Variants in CRADD observed in about 807,000 individuals in gnomAD.
The protein encoded by CRADD is death domain-containing protein CRADD.
Under a neutral mutation model 15.5 loss-of-function variants are expected in CRADD, and 9 were observed. The observed-to-expected ratio is 0.58, with a 90% CI of 0.35 to 1.01. CRADD has a LOEUF of 1.01. Among genes scored for constraint, CRADD ranks in the 50% least tolerant of loss-of-function variants. CRADD has a pLI of 0.02. For missense variants in CRADD, 227 were observed against 250.3 expected (o/e 0.91, Z 0.63); for synonymous variants, 118 against 107.6 (o/e 1.10, Z -0.60).
intron 2 of CRADD, among the ~76,000 whole-genome samples, chr12:93,817,834 T>C (rs879612683): frequency 1.3e-5 from 2 of 152,202 alleles, no homozygotes; most frequent in Non-Finnish European, 2.9e-5. Context: ...GGGATCCTGT[T>C]GGCCTGCCTT....
At chr12:93,680,763 T>C (rs985506388) in intron 2 of CRADD, among the ~76,000 whole-genome samples, 3 of 152,234 alleles carry the variant, frequency 2.0e-5, no homozygotes, top group African/African-American at 4.8e-5. Flanking sequence ...TGGCATCATA[T>C]AGTTGGAAAC....
intron 2 of CRADD, among the ~76,000 whole-genome samples, chr12:93,876,338 T>G (rs1024708443): frequency 6.6e-6 from 1 of 152,212 alleles, no homozygotes; most frequent in Non-Finnish European, 1.5e-5. Context: ...ATAACCTTCT[T>G]GTACTTGAAT....
chr12:93,742,600 A>G (rs1956691045), intron 2 of CRADD, among the ~76,000 whole-genome samples: 1 of 152,200 alleles, frequency 6.6e-6, no homozygotes, highest in Admixed American at 6.5e-5. Context: ...CAGCAAAACC[A>G]GGGAAACTCA....
intron 2 of CRADD, among the ~76,000 whole-genome samples, chr12:93,788,904 C>G (rs778820115): frequency 6.6e-6 from 1 of 152,098 alleles, no homozygotes; most frequent in Non-Finnish European, 1.5e-5. Context: ...TCGTCATCAG[C>G]CTTTCCATAG....
chr12:93,780,189 A>G (rs1957188441), intron 2 of CRADD, among the ~76,000 whole-genome samples: 1 of 147,656 alleles, frequency 6.8e-6, no homozygotes, highest in African/African-American at 2.7e-5. Flanking sequence ...CTACTCAACT[A>G]TTTGGCTTCT....
At chr12:93,880,437 G>C (rs367960125) in intron 2 of CRADD, among the ~76,000 whole-genome samples, 4 of 152,112 alleles carry the variant, frequency 2.6e-5, no homozygotes, top group African/African-American at 9.7e-5. Flanking sequence ...ATGGAGATTG[G>C]CGGGAGAAAT....
At chr12:93,892,656 G>C (rs2137081143) in intron 2 of CRADD, among the ~76,000 whole-genome samples, 2 of 152,238 alleles carry the variant, frequency 1.3e-5, no homozygotes, top group East Asian at 3.9e-4. Flanking sequence ...GCCTTGGAAG[G>C]GGGGCCCTTG....
chr12:93,732,172 A>T (rs1278371698), intron 2 of CRADD, among the ~76,000 whole-genome samples: 1 of 151,990 alleles, frequency 6.6e-6, no homozygotes, highest in African/African-American at 2.4e-5. Flanking sequence ...GAAACAGTGA[A>T]ATCTAGTATT....
chr12:93,784,468 A>T (rs1198917756), intron 2 of CRADD, among the ~76,000 whole-genome samples: 1 of 151,580 alleles, frequency 6.6e-6, no homozygotes, highest in Non-Finnish European at 1.5e-5. Context: ...AGGCCGTCTG[A>T]CCCCTGAGCC....
chr12:93,750,066 T>C (rs1047049683), intron 2 of CRADD, among the ~76,000 whole-genome samples: 7 of 152,220 alleles, frequency 4.6e-5, no homozygotes, highest in African/African-American at 1.7e-4. Context: ...ACTACTGTTT[T>C]AGCAGGGCTA....
At chr12:93,822,103 G>A (rs1254969147) in intron 2 of CRADD, among the ~76,000 whole-genome samples, 2 of 138,446 alleles carry the variant, frequency 1.4e-5, no homozygotes, top group Admixed American at 7.3e-5. Flanking sequence ...GGGTGACAGA[G>A]GAAGACTCAG....
chr12:93,818,898 C>T (rs968242922), intron 2 of CRADD, among the ~76,000 whole-genome samples: 2 of 152,240 alleles, frequency 1.3e-5, no homozygotes, highest in Admixed American at 6.5e-5. Context: ...TCAGTCCTGT[C>T]ATAGAGTGCA....
At chr12:93,697,632 G>A (rs1000623958) in intron 2 of CRADD, among the ~76,000 whole-genome samples, 2 of 152,196 alleles carry the variant, frequency 1.3e-5, no homozygotes, top group Non-Finnish European at 2.9e-5. Flanking sequence ...GAGATAGCCA[G>A]TGTTTATAAT....
At chr12:93,697,787 T>C (rs927457224) in intron 2 of CRADD, among the ~76,000 whole-genome samples, 2 of 152,210 alleles carry the variant, frequency 1.3e-5, no homozygotes, top group South Asian at 4.1e-4. Context: ...ATATAAATTT[T>C]ACATGACACA....
intron 2 of CRADD, among the ~76,000 whole-genome samples, chr12:93,791,091 A>G (rs1300907904): frequency 6.6e-6 from 1 of 152,160 alleles, no homozygotes; most frequent in Admixed American, 6.6e-5. Flanking sequence ...TAGTACAACC[A>G]TTATGGAAAA....
At chr12:93,821,696 G>A (rs1417041302) in intron 2 of CRADD, among the ~76,000 whole-genome samples, 1 of 152,208 alleles carries the variant, frequency 6.6e-6, no homozygotes, top group Non-Finnish European at 1.5e-5. Flanking sequence ...GAAACAGAGA[G>A]GATTGACAAT....
intron 2 of CRADD, among the ~76,000 whole-genome samples, chr12:93,716,131 CAAA>C (rs200370450): frequency 4.6e-5 from 4 of 87,660 alleles, no homozygotes; most frequent in Admixed American, 1.3e-4. Context: ...GACTCCACCT[CAAA>C]AAAAAAAAAA....
intron 2 of CRADD, among the ~76,000 whole-genome samples, chr12:93,806,866 T>A (rs534470739): frequency 6.6e-6 from 1 of 152,262 alleles, no homozygotes; most frequent in Non-Finnish European, 1.5e-5. Flanking sequence ...ATCCAGCACA[T>A]CTTGAAAGAT....
intron 2 of CRADD, among the ~76,000 whole-genome samples, chr12:93,765,354 A>G (rs1957016335): frequency 6.6e-6 from 1 of 152,178 alleles, no homozygotes; most frequent in African/African-American, 2.4e-5. Flanking sequence ...GTACATTTGC[A>G]TAGCACTTGG....
Sources: gnomAD v4.1 joint callset for allele counts (sites outside exome capture counted in the v4.1 genomes callset) on GRCh38, gnomAD v4.1.1 for gene constraint, MANE v1.5 for transcripts, NCBI Gene and HGNC (gene_info 2026-07-23, HGNC 2026-07-21) for gene names.